SCRT2: variants seen among roughly 807,000 people sequenced by gnomAD.
SCRT2 encodes the protein scratch family transcriptional repressor 2.
A neutral mutation model predicts 3.7 loss-of-function variants in SCRT2; 2 were observed. The ratio of observed to expected loss-of-function variants is 0.54; its 90% CI spans 0.22 to 1.70. The LOEUF is 1.70. SCRT2 is among the 40% of genes most tolerant of loss of function. The probability of loss-of-function intolerance (pLI) is 0.19; values close to 1 mark genes in which losing one functional copy is unlikely to be tolerated. For synonymous variants in SCRT2, 256 were observed against 220.6 expected (o/e 1.16, Z -1.42); for missense variants, 456 against 468.5 (o/e 0.97, Z 0.25).
chr20:672,649 C>T (rs1984379524), intron 1 of SCRT2, among the ~76,000 whole-genome samples: 1 of 151,614 alleles, frequency 6.6e-6, no homozygotes, highest in African/African-American at 2.4e-5. Context: ...CCCTGCAGCC[C>T]GAGCTGCAGG....
In SCRT2 at chr20:663,571, G is replaced by C. The variant is rs1294459690; in HGVS notation, c.*100C>G. On this transcript the variant is annotated 3_prime_UTR_variant, in exon 2 of 2. Transcript: ENST00000246104. The surrounding 1 kb of genome is among the most constrained non-coding windows in gnomAD (Gnocchi z 6.9). The stretch of plus-strand genomic sequence containing the variant: ...GGTCCCCACGAGAGGGTCATGGGCA[G>C]GGAAACGCAGCCGGGGCTGGGCGAG... The C allele has an allele frequency of 3.4e-6, 4 of 1,169,354 alleles. No individual in the cohort carries two copies. The African/African-American group carries it at 6.5e-5, about 19-fold the overall frequency. 72.4% of individuals were successfully genotyped at this position (1,169,354 alleles called of 1,614,324 possible).
In SCRT2 at chr20:664,111, T is replaced by C. The variant is rs1201460489; in HGVS notation, c.484A>G (p.Lys162Glu). The change falls in exon 2 of 2, where the codon AAG (lysine) becomes GAG (glutamate). Residue 162 changes from lysine to glutamate, a missense_variant. Coordinates refer to ENST00000246104, the MANE Select transcript of SCRT2 (RefSeq NM_033129.4). The surrounding 1 kb of genome is among the most constrained non-coding windows in gnomAD (Gnocchi z 7.9). ...AGGTTCGACGACGTGGCGTAGGTCT[T>C]GCCGCACTCGGCGCACGCGTGCCGG... Reference protein sequence around the residue: ...GHRHACAECGKTYATSSNLSR... With the variant: ...GHRHACAECGETYATSSNLSR... 6.3e-7 allele frequency: 1 copy of C among 1,599,016 alleles called. No homozygotes were observed. Among genetic ancestry groups the C allele is most frequent in the Non-Finnish European group, 8.5e-7 (1 of 1,175,788 alleles).
At chr20:674,715 GTGTGTGTGTGTGTGTGTA>G (rs1364074032) in intron 1 of SCRT2, among the ~76,000 whole-genome samples, 1,844 of 74,308 alleles carry the variant, frequency 0.025, 28 homozygotes, top group African/African-American at 0.083. Flanking sequence ...GTGTGTGTGT[GTGTGTGTGTGTGTGTGTA>G]TGTGTAGTGA....
Position 665,299 on chromosome 20 carries a change from T to A in SCRT2, c.134-838A>T, listed in dbSNP as rs1202487544. ...AAAGTAGGTGTGCGATGAATAGATGTTGCATGAAGGAATCACAATCCAGTT... is the reference window on the plus strand; with the variant it reads ...AAAGTAGGTGTGCGATGAATAGATGATGCATGAAGGAATCACAATCCAGTT... On this transcript the variant is annotated intron_variant, in intron 1 of 1. Coordinates refer to ENST00000246104, the MANE Select transcript of SCRT2 (RefSeq NM_033129.4). The surrounding 1 kb of genome is among the most constrained non-coding windows in gnomAD (Gnocchi z 5.0). Among the ~76,000 whole-genome samples the A allele has an allele frequency of 1.3e-5, 2 of 152,218 alleles. No individual in the cohort carries two copies. The highest frequency in any genetic ancestry group is 3.8e-4 in the East Asian group (2 of 5,200).
At position 663,530 on chromosome 20, in the gene SCRT2, T is replaced by G. The variant is rs1600470691; in HGVS notation, c.*141A>C. 2 of 762,086 alleles carry G rather than the reference T, an allele frequency of 2.6e-6. No individual in the cohort carries two copies. The highest frequency in any genetic ancestry group is 3.6e-6 in the Non-Finnish European group (2 of 554,040). 47.2% of individuals were successfully genotyped at this position (762,086 alleles called of 1,614,324 possible). ...GGGTTTGGGGGTTGGGGAGAAAAGT[T>G]CCGGGCCGGGCCGGGGGTCCCCACG... On this transcript the variant is annotated 3_prime_UTR_variant, in exon 2 of 2. Transcript: ENST00000246104. This position sits in a 1 kb window ranked among gnomAD's most constrained non-coding sequence, Gnocchi z 6.9.
rs545356409 is a variant in SCRT2, at chr20:664,629, A to C, written c.134-168T>G. Among the ~76,000 whole-genome samples, 1 of 152,318 alleles carries C rather than the reference A, an allele frequency of 6.6e-6. No individual in the cohort carries two copies. Among genetic ancestry groups the C allele is most frequent in the East Asian group, 1.9e-4 (1 of 5,192 alleles). ...TCTTCCTGTCAGGCAGCCTGGGTTC[A>C]ATTCCTTCCTCCATCGACGGCAGTG... On this transcript the variant is annotated intron_variant, in intron 1 of 1. Transcript: ENST00000246104. The surrounding 1 kb of genome is among the most constrained non-coding windows in gnomAD (Gnocchi z 7.9).
intron 1 of SCRT2, among the ~76,000 whole-genome samples, chr20:668,566 T>C (rs940849156): frequency 6.6e-6 from 1 of 152,168 alleles, no homozygotes; most frequent in Admixed American, 6.5e-5. Flanking sequence ...GCATAACTTA[T>C]CTGGGCTCAA....
At chr20:670,870 T>G (rs1984310514) in intron 1 of SCRT2, among the ~76,000 whole-genome samples, 1 of 152,194 alleles carries the variant, frequency 6.6e-6, no homozygotes, top group African/African-American at 2.4e-5. Context: ...ATATCTCACA[T>G]GGGCCTCATC....
At position 663,698 on chromosome 20, in the gene SCRT2, CG is replaced by C. The variant is rs771985405; in HGVS notation, c.896del (p.Pro299ArgfsTer46). The C allele has an allele frequency of 1.4e-5, 21 of 1,513,838 alleles. No individual in the cohort carries two copies. Among genetic ancestry groups the C allele is most frequent in the Admixed American group, 2.0e-5 (1 of 49,922 alleles). The allele number at this position is 1,513,838 out of a possible 1,614,324, so 93.8% of individuals were successfully genotyped here. On this transcript the variant is annotated frameshift_variant, in exon 2 of 2. Coordinates refer to ENST00000246104, the MANE Select transcript of SCRT2 (RefSeq NM_033129.4). LOFTEE classifies it low-confidence loss of function (END_TRUNC). The surrounding 1 kb of genome is among the most constrained non-coding windows in gnomAD (Gnocchi z 6.9). ...AACAKAAEPP[P>X]PTPAGPAS ...AGCTGGCCGGGCCGGCGGGGGTCGG[CG>C]GGGGTGGCTCGGCCGCCTTGGCGCA... is the stretch of plus-strand genomic sequence containing the variant.
rs763463954 is a variant in SCRT2, at chr20:675,545, C to T, written c.57G>A (p.Gly19=). 8 of 1,394,952 alleles carry T rather than the reference C, an allele frequency of 5.7e-6. No homozygotes were observed. The South Asian group carries it at 9.0e-5, about 16-fold the overall frequency. The allele number at this position is 1,394,952 out of a possible 1,614,324, so 86.4% of individuals were successfully genotyped here. A position where few individuals can be genotyped will look rare whatever the true frequency, so the allele number is the denominator to read the frequency against. ...KIKGDGFQCS[G]VPAPTYHPLE... is the part of the protein sequence containing the mutation. ...AGGGGTGGTAGGTGGGGGCCGGCAC[C>T]CCGCTGCACTGGAAGCCGTCCCCTT... The change falls in exon 1 of 2, where the codon GGG becomes GGA. Residue 19 remains glycine, a synonymous_variant. Coordinates refer to ENST00000246104, the MANE Select transcript of SCRT2 (RefSeq NM_033129.4). The surrounding 1 kb of genome is among the most constrained non-coding windows in gnomAD (Gnocchi z 6.9).
intron 1 of SCRT2, among the ~76,000 whole-genome samples, chr20:674,572 C>A (rs1332701088): frequency 6.6e-6 from 1 of 152,234 alleles, no homozygotes; most frequent in Admixed American, 6.5e-5. Flanking sequence ...ATGGGATCCA[C>A]AGAAGCAGTC....
At position 665,340 on chromosome 20, in the gene SCRT2, G is replaced by T. The variant is rs1383427908; in HGVS notation, c.134-879C>A. On this transcript the variant is annotated intron_variant, in intron 1 of 1. Transcript: ENST00000246104. The surrounding 1 kb of genome is among the most constrained non-coding windows in gnomAD (Gnocchi z 5.0). The stretch of plus-strand genomic sequence containing the variant: ...CAATCCAGTTAGACCCACCTGCCAG[G>T]GTTGCTGAAGCATTTAACAGGGGTC... Among the ~76,000 whole-genome samples the T allele has an allele frequency of 6.6e-6, 1 of 152,148 alleles. No individual in the cohort carries two copies. The highest frequency in any genetic ancestry group is 2.4e-5 in the African/African-American group (1 of 41,420).
chr20:674,723 GTGTGTGTGTA>G (rs748178642), intron 1 of SCRT2, among the ~76,000 whole-genome samples: 5,303 of 77,772 alleles, frequency 0.068, 120 homozygotes, highest in African/African-American at 0.14. Flanking sequence ...GTGTGTGTGT[GTGTGTGTGTA>G]TGTGTAGTGA....
At position 667,423 on chromosome 20, in the gene SCRT2, C is replaced by T. The variant is rs1055133398; in HGVS notation, c.134-2962G>A. Among the ~76,000 whole-genome samples, 1 of 152,196 alleles carries T rather than the reference C, an allele frequency of 6.6e-6. No homozygotes were observed. Among genetic ancestry groups the T allele is most frequent in the Non-Finnish European group, 1.5e-5 (1 of 68,022 alleles). On this transcript the variant is annotated intron_variant, in intron 1 of 1. Coordinates refer to ENST00000246104, the MANE Select transcript of SCRT2 (RefSeq NM_033129.4). The surrounding 1 kb of genome is among the most constrained non-coding windows in gnomAD (Gnocchi z 4.4). ...CAATCTCCCCAGATGGGTTTCTGTGCTGCAGCTTTCTTGGCATCTGCCCCA... is the reference window on the plus strand; with the variant it reads ...CAATCTCCCCAGATGGGTTTCTGTGTTGCAGCTTTCTTGGCATCTGCCCCA...
At chr20:670,604 T>C (rs1984302996) in intron 1 of SCRT2, among the ~76,000 whole-genome samples, 1 of 152,208 alleles carries the variant, frequency 6.6e-6, no homozygotes, top group Non-Finnish European at 1.5e-5. Flanking sequence ...CTCTGTGACC[T>C]CAGTTTTGCC....
intron 1 of SCRT2, among the ~76,000 whole-genome samples, chr20:671,085 C>T (rs1984316988): frequency 1.3e-5 from 2 of 152,172 alleles, no homozygotes; most frequent in Admixed American, 6.5e-5. Flanking sequence ...GCCTTGAGAG[C>T]GGATCTGGAC....
chr20:673,569 A>G (rs1380755704), intron 1 of SCRT2, among the ~76,000 whole-genome samples: 1 of 152,180 alleles, frequency 6.6e-6, no homozygotes, highest in Non-Finnish European at 1.5e-5. Context: ...GGGGACAAAG[A>G]CAGAGGTGGT....
In SCRT2 at chr20:675,369, T is replaced by C; in HGVS notation, c.133+100A>G. 1 of 1,034,312 alleles carries C rather than the reference T, an allele frequency of 9.7e-7. No individual in the cohort carries two copies. The highest frequency in any genetic ancestry group is 1.3e-6 in the Non-Finnish European group (1 of 799,346). The allele number at this position is 1,034,312 out of a possible 1,614,324, so 64.1% of individuals were successfully genotyped here. ...GCCAGAGAGATCTCCTCCCGGGGGTTTCCTGTCGCACGCGCCCCTCCTCGT... is the reference window on the plus strand; with the variant it reads ...GCCAGAGAGATCTCCTCCCGGGGGTCTCCTGTCGCACGCGCCCCTCCTCGT... On this transcript the variant is annotated intron_variant, in intron 1 of 1. Transcript: ENST00000246104. The surrounding 1 kb of genome is among the most constrained non-coding windows in gnomAD (Gnocchi z 6.9).
In SCRT2 at chr20:663,437, C is replaced by T. The variant is rs1260621045; in HGVS notation, c.*234G>A. The stretch of plus-strand genomic sequence containing the variant: ...AGGCGCGGACAGGGGGGTCAAGGTC[C>T]GAGGGATGGCCGGAAAGGATGAAGT... On this transcript the variant is annotated 3_prime_UTR_variant, in exon 2 of 2. Coordinates refer to ENST00000246104, the MANE Select transcript of SCRT2 (RefSeq NM_033129.4). The surrounding 1 kb of genome is among the most constrained non-coding windows in gnomAD (Gnocchi z 6.9). 7.7e-6 allele frequency: 3 copies of T among 391,652 alleles called. No individual in the cohort carries two copies. The highest frequency in any genetic ancestry group is 2.1e-5 in the African/African-American group (1 of 47,066). The allele number at this position is 391,652 out of a possible 1,614,324, so 24.3% of individuals were successfully genotyped here.
Sources: allele counts gnomAD v4.1 joint callset (sites outside exome capture counted in the v4.1 genomes callset), GRCh38; gene constraint gnomAD v4.1.1; non-coding constraint Gnocchi (gnomAD v3.1); transcripts MANE v1.5; gene names NCBI Gene and HGNC (gene_info 2026-07-23, HGNC 2026-07-21).